The following IL19 variants were observed in gnomAD, a reference collection of about 807,000 sequenced individuals.
IL19 encodes the protein interleukin-19.
IL19 carries 15 observed loss-of-function variants against 19.5 expected under a neutral mutation model. That is an observed-to-expected ratio of 0.77 (90% confidence interval 0.52 to 1.19). The LOEUF (loss-of-function observed/expected upper bound fraction) is 1.19, where lower values mean the gene tolerates loss of function less well. IL19 is among the 50% of genes most tolerant of loss of function. IL19 has a pLI of 0.00. For missense variants in IL19, 199 were observed against 213.1 expected (o/e 0.93, Z 0.41); for synonymous variants, 78 against 78.3 (o/e 1.00, Z 0.02).
intron 2 of IL19, among the ~76,000 whole-genome samples, chr1:206,829,500 T>C (rs1201428144): frequency 6.6e-6 from 1 of 152,022 alleles, no homozygotes; most frequent in Non-Finnish European, 1.5e-5. Flanking sequence ...CTAGGTGAGA[T>C]GAGCCTGTGA....
intron 2 of IL19, among the ~76,000 whole-genome samples, chr1:206,812,412 T>C (rs973249235): frequency 1.3e-5 from 2 of 152,146 alleles, no homozygotes; most frequent in African/African-American, 4.8e-5. Context: ...ATTTGGCCAT[T>C]TGGGGATCCT....
intron 2 of IL19, among the ~76,000 whole-genome samples, chr1:206,802,975 G>A (rs981258271): frequency 2.0e-5 from 3 of 152,236 alleles, no homozygotes; most frequent in African/African-American, 7.2e-5. Context: ...CTGGAAGGGC[G>A]AGGGGGACGT....
At chr1:206,814,255 T>C (rs1392473420) in intron 2 of IL19, among the ~76,000 whole-genome samples, 1 of 151,896 alleles carries the variant, frequency 6.6e-6, no homozygotes, top group Non-Finnish European at 1.5e-5. Context: ...TGAGCACAGA[T>C]TGCAGCCAGT....
intron 2 of IL19, among the ~76,000 whole-genome samples, chr1:206,810,683 G>A (rs1299510684): frequency 6.6e-6 from 1 of 152,166 alleles, no homozygotes; most frequent in Non-Finnish European, 1.5e-5. Context: ...AACCATTAGA[G>A]ACAAGGGGAC....
At chr1:206,834,144 G>A in intron 2 of IL19, 1 of 985,524 alleles carries the variant, frequency 1.0e-6, no homozygotes, top group Non-Finnish European at 1.2e-6. Context: ...CCTAGAAGCT[G>A]CATGTCAAGA....
Position 206,839,647 on chromosome 1 carries a change from G to A in IL19, c.211-203G>A, listed in dbSNP as rs182252856. On this transcript the variant is annotated intron_variant, in intron 4 of 6. Coordinates refer to ENST00000659997, the MANE Select transcript of IL19 (RefSeq NM_153758.5). ...TTCTCGGCCATACAGAAAAAGGGGA[G>A]AACTGGAATCTCTTCTCACTATTTT... is the stretch of plus-strand genomic sequence containing the variant. Among the ~76,000 whole-genome samples the A allele has an allele frequency of 1.7e-4, 26 of 152,248 alleles. No homozygotes were observed. In the East Asian group the frequency reaches 4.8e-3, roughly 28 times the overall value.
intron 4 of IL19, among the ~76,000 whole-genome samples, chr1:206,837,347 C>T (rs373880691): frequency 1.3e-4 from 20 of 151,954 alleles, no homozygotes; most frequent in South Asian, 2.1e-4. Context: ...TGACTTAACC[C>T]GAGGAGGTTG....
intron 2 of IL19, among the ~76,000 whole-genome samples, chr1:206,804,170 G>A (rs1001793869): frequency 3.3e-5 from 5 of 152,132 alleles, no homozygotes; most frequent in Non-Finnish European, 7.4e-5. Context: ...TTAAATATGG[G>A]TTGCTTGCCA....
chr1:206,778,082 C>A (rs1572543570), intron 1 of IL19, among the ~76,000 whole-genome samples: 1 of 152,324 alleles, frequency 6.6e-6, no homozygotes, highest in Non-Finnish European at 1.5e-5. Flanking sequence ...TAAGAGGAGC[C>A]CGGGCTGGGG....
intron 2 of IL19, among the ~76,000 whole-genome samples, chr1:206,822,529 G>A (rs895344496): frequency 2.0e-5 from 3 of 152,146 alleles, no homozygotes; most frequent in Non-Finnish European, 2.9e-5. Flanking sequence ...TTACAAGCTC[G>A]ACAACCTTGT....
chr1:206,803,807 G>A (rs1237266842), intron 2 of IL19, among the ~76,000 whole-genome samples: 2 of 152,108 alleles, frequency 1.3e-5, no homozygotes, highest in African/African-American at 2.4e-5. Flanking sequence ...ATAATCCTAA[G>A]CTTTAACAAA....
chr1:206,831,902 TG>T (rs1676619556), intron 2 of IL19, among the ~76,000 whole-genome samples: 1 of 152,206 alleles, frequency 6.6e-6, no homozygotes, highest in African/African-American at 2.4e-5. Context: ...TGCCCTGAAA[TG>T]AAAGCTAGGT....
intron 2 of IL19, among the ~76,000 whole-genome samples, chr1:206,816,322 T>C (rs1356568513): frequency 6.6e-6 from 1 of 152,198 alleles, no homozygotes; most frequent in East Asian, 1.9e-4. Flanking sequence ...AAAAATAATG[T>C]ACTTTGGAAT....
At chr1:206,795,927 A>ATGTGTGTG (rs71570039) in intron 1 of IL19, among the ~76,000 whole-genome samples, 115 of 133,622 alleles carry the variant, frequency 8.6e-4, no homozygotes, top group African/African-American at 2.9e-3. Context: ...AAATATATAT[A>ATGTGTGTG]TGTGTGTGTG....
intron 2 of IL19, among the ~76,000 whole-genome samples, chr1:206,835,795 A>G (rs1676770298): frequency 6.6e-6 from 1 of 152,268 alleles, no homozygotes; most frequent in East Asian, 1.9e-4. Context: ...GTGAAAACAG[A>G]GATAACCCCA....
At chr1:206,810,002 C>T (rs758565494) in intron 2 of IL19, among the ~76,000 whole-genome samples, 12 of 152,234 alleles carry the variant, frequency 7.9e-5, no homozygotes, top group Non-Finnish European at 1.6e-4. Flanking sequence ...CCCATCCCAA[C>T]CTCTCTTTAT....
intron 2 of IL19, among the ~76,000 whole-genome samples, chr1:206,820,103 G>T (rs549531159): frequency 2.0e-5 from 3 of 152,182 alleles, no homozygotes; most frequent in Non-Finnish European, 2.9e-5. Flanking sequence ...GCTCCAGATT[G>T]TCAAAATATT....
At position 206,770,859 on chromosome 1, in the gene IL19, T is replaced by G; in HGVS notation, c.-368T>G. ...AGTGTCCCTGCTGGTCTGTAGGAGA[T>G]GGTATTTTGGGGGCAGCTGCAAGGG... On this transcript the variant is annotated 5_prime_UTR_variant, in exon 1 of 7. An upstream start codon of the reference 5' UTR is lost. Coordinates refer to ENST00000659997, the MANE Select transcript of IL19 (RefSeq NM_153758.5). 2 of 1,573,902 alleles carry G rather than the reference T, an allele frequency of 1.3e-6. No individual in the cohort carries two copies. The highest frequency in any genetic ancestry group is 1.7e-6 in the Non-Finnish European group (2 of 1,143,038).
intron 1 of IL19, among the ~76,000 whole-genome samples, chr1:206,779,177 G>A (rs536650180): frequency 2.0e-5 from 3 of 152,250 alleles, no homozygotes; most frequent in South Asian, 2.1e-4. Flanking sequence ...TCCCAGGCTC[G>A]TAAACATGCT....
Sources: allele counts gnomAD v4.1 joint callset (sites outside exome capture counted in the v4.1 genomes callset), GRCh38; gene constraint gnomAD v4.1.1; transcripts MANE v1.5; gene names NCBI Gene and HGNC (gene_info 2026-07-23, HGNC 2026-07-21).